The following PTPRM variants were observed in gnomAD, a reference collection of about 807,000 sequenced individuals.
The protein encoded by PTPRM is receptor-type tyrosine-protein phosphatase mu.
A neutral mutation model predicts 186.7 loss-of-function variants in PTPRM; 47 were observed. The ratio of observed to expected loss-of-function variants is 0.25; its 90% confidence interval spans 0.20 to 0.32. The LOEUF (loss-of-function observed/expected upper bound fraction) is 0.32, where lower values mean the gene tolerates loss of function less well. Among genes scored for constraint, PTPRM ranks in the 10% least tolerant of loss-of-function variants. The pLI, the probability that PTPRM is intolerant of heterozygous loss-of-function variation, is 1.00. For missense variants in PTPRM, 1,494 were observed against 1,865.0 expected (o/e 0.80, Z 3.66); for synonymous variants, 668 against 674.9 (o/e 0.99, Z 0.16).
At chr18:7,589,949 A>C (rs566625372) in intron 1 of PTPRM, among the ~76,000 whole-genome samples, 2 of 152,328 alleles carry the variant, frequency 1.3e-5, no homozygotes, top group South Asian at 4.1e-4. Context: ...CATGTCATCA[A>C]GCCACTTATT....
At chr18:8,399,191 C>T (rs1443022887) in intron 32 of PTPRM, among the ~76,000 whole-genome samples, 4 of 152,170 alleles carry the variant, frequency 2.6e-5, no homozygotes, top group South Asian at 2.1e-4. Context: ...GGGAACACAA[C>T]GCAGATCGGT....
At chr18:7,925,082 C>A (rs1323058065) in intron 4 of PTPRM, among the ~76,000 whole-genome samples, 1 of 152,128 alleles carries the variant, frequency 6.6e-6, no homozygotes, top group African/African-American at 2.4e-5. Flanking sequence ...ATAAAGGTTA[C>A]CTTGTTCCAT....
At chr18:8,286,593 T>C (rs920036093) in intron 19 of PTPRM, among the ~76,000 whole-genome samples, 3 of 152,226 alleles carry the variant, frequency 2.0e-5, no homozygotes, top group Admixed American at 6.5e-5. Context: ...CAGTAAGATA[T>C]GACATTTGGC....
chr18:7,751,531 A>G (rs868238689), intron 1 of PTPRM: 4 of 152,268 alleles, frequency 2.6e-5, no homozygotes, highest in Admixed American at 1.3e-4. Context: ...GTCAGGAGTC[A>G]TGTTCTTTAC....
At chr18:8,151,692 GAA>G (rs1242594668) in intron 14 of PTPRM, among the ~76,000 whole-genome samples, 10 of 105,244 alleles carry the variant, frequency 9.5e-5, no homozygotes, top group Admixed American at 2.0e-4. Flanking sequence ...CTGGGGTATG[GAA>G]AAAAAAAAAA....
At chr18:8,395,442 G>A (rs1015468344) in intron 32 of PTPRM, among the ~76,000 whole-genome samples, 2 of 152,180 alleles carry the variant, frequency 1.3e-5, no homozygotes, top group African/African-American at 4.8e-5. Context: ...TGAGGAAGTA[G>A]CCATGGTCCT....
At chr18:8,384,430 C>A (rs2095758421) in intron 29 of PTPRM, 131 bp from the exon 30 acceptor site, 2 of 1,033,916 alleles carry the variant, frequency 1.9e-6, no homozygotes, top group Non-Finnish European at 2.8e-6. Flanking sequence ...TGCACTCTAG[C>A]TGGGGAGACA....
intron 1 of PTPRM, among the ~76,000 whole-genome samples, chr18:7,715,910 C>G (rs1186446228): frequency 1.3e-5 from 2 of 152,074 alleles, no homozygotes; most frequent in African/African-American, 4.8e-5. Context: ...GAAGAAGAAC[C>G]AATATCATGA....
chr18:7,935,883 G>A (rs1379731987), intron 5 of PTPRM, among the ~76,000 whole-genome samples: 1 of 152,174 alleles, frequency 6.6e-6, no homozygotes, highest in East Asian at 1.9e-4. Context: ...TGGTCAGGTT[G>A]TGTCAGTCTG....
At chr18:7,924,239 T>C (rs1351764519) in intron 4 of PTPRM, among the ~76,000 whole-genome samples, 1 of 152,210 alleles carries the variant, frequency 6.6e-6, no homozygotes, top group Non-Finnish European at 1.5e-5. Context: ...ATTAATCTTT[T>C]GAAGTTTTAT....
At chr18:7,905,417 G>T (rs1435613394) in intron 3 of PTPRM, among the ~76,000 whole-genome samples, 2 of 152,182 alleles carry the variant, frequency 1.3e-5, no homozygotes, top group Non-Finnish European at 2.9e-5. Flanking sequence ...AATTATCAAG[G>T]AAGAGCTAAC....
chr18:7,858,537 G>A (rs1305739346), intron 2 of PTPRM, among the ~76,000 whole-genome samples: 17 of 152,192 alleles, frequency 1.1e-4, no homozygotes, highest in Admixed American at 7.9e-4. Flanking sequence ...CTCTACCCTG[G>A]GCGAGTGAGA....
Position 7,601,284 on chromosome 18 carries a change from T to C in PTPRM, c.73+33393T>C, listed in dbSNP as rs16952194. The stretch of plus-strand genomic sequence containing the variant: ...GGCATATCTGCAGGAAGGACAGTCC[T>C]AGCTCTGGATATTTCTCTGCCCCCT... On this transcript the variant is annotated intron_variant, in intron 1 of 32. Transcript: ENST00000580170. Among the ~76,000 whole-genome samples, 1,231 of 152,370 alleles carry C rather than the reference T, an allele frequency of 8.1e-3. 6 individuals carry two copies. The highest frequency in any genetic ancestry group is 0.024 in the South Asian group (115 of 4,834).
intron 13 of PTPRM, among the ~76,000 whole-genome samples, chr18:8,135,685 A>G (rs762421441): frequency 3.9e-5 from 6 of 152,234 alleles, no homozygotes; most frequent in Non-Finnish European, 8.8e-5. Flanking sequence ...TTACTAAATG[A>G]GAGTCTGGAG....
At position 8,063,503 on chromosome 18, in the gene PTPRM, C is replaced by T. The variant is rs150268449; in HGVS notation, c.1133-6183C>T. Among the ~76,000 whole-genome samples, 572 of 152,314 alleles carry T rather than the reference C, an allele frequency of 3.8e-3. 6 individuals are homozygous for T. The highest frequency in any genetic ancestry group is 0.013 in the African/African-American group (542 of 41,568). On this transcript the variant is annotated intron_variant, in intron 7 of 32. Coordinates refer to ENST00000580170, the MANE Select transcript of PTPRM (RefSeq NM_001105244.2). ...CTAACCTTATTTTTGTACAGTTCATCATTCAGGGAGAATAAAATATGACAT... is the reference window on the plus strand; with the variant it reads ...CTAACCTTATTTTTGTACAGTTCATTATTCAGGGAGAATAAAATATGACAT...
intron 7 of PTPRM, among the ~76,000 whole-genome samples, chr18:7,975,233 C>T (rs574062527): frequency 6.6e-6 from 1 of 152,346 alleles, no homozygotes; most frequent in African/African-American, 2.4e-5. Context: ...CAAACCTACT[C>T]TTACTGTACA....
chr18:7,639,458 C>T (rs2038395798), intron 1 of PTPRM, among the ~76,000 whole-genome samples: 1 of 151,396 alleles, frequency 6.6e-6, no homozygotes, highest in Non-Finnish European at 1.5e-5. Flanking sequence ...GTGATCTTGG[C>T]TCACTGTAAC....
At chr18:7,672,421 AG>A (rs1258462841) in intron 1 of PTPRM, among the ~76,000 whole-genome samples, 1 of 152,226 alleles carries the variant, frequency 6.6e-6, no homozygotes, top group East Asian at 1.9e-4. Flanking sequence ...ACGAAGACCT[AG>A]TTAAAAGATG....
At chr18:8,338,709 C>G (rs1303696140) in intron 22 of PTPRM, among the ~76,000 whole-genome samples, 1 of 152,158 alleles carries the variant, frequency 6.6e-6, no homozygotes, top group Non-Finnish European at 1.5e-5. Flanking sequence ...TAAACTACTT[C>G]AAACAGGACC....
Sources: gnomAD v4.1 joint callset for allele counts (sites outside exome capture counted in the v4.1 genomes callset) on GRCh38, gnomAD v4.1.1 for gene constraint, MANE v1.5 for transcripts, NCBI Gene and HGNC (gene_info 2026-07-23, HGNC 2026-07-21) for gene names.